CXCL17: variants seen among roughly 807,000 people sequenced by gnomAD.
CXCL17 encodes C-X-C motif chemokine 17.
A neutral mutation model predicts 15.5 loss-of-function variants in CXCL17; 9 were observed. The ratio of observed to expected loss-of-function variants is 0.58; its 90% CI spans 0.35 to 1.01. The LOEUF is 1.01. Ranked by LOEUF, CXCL17 falls within the 50% of genes least tolerant of loss-of-function variation. The probability of loss-of-function intolerance (pLI) is 0.02; values close to 1 mark genes in which losing one functional copy is unlikely to be tolerated. For synonymous variants in CXCL17, 52 were observed against 52.3 expected, an observed-to-expected ratio of 0.99 and a Z score of 0.02; for missense variants, 133 against 138.2, an observed-to-expected ratio of 0.96 and a Z score of 0.19.
At chr19:42,440,517 G>A (rs1167967797) in intron 1 of CXCL17, among the ~76,000 whole-genome samples, 1 of 152,168 alleles carries the variant, frequency 6.6e-6, no homozygotes, top group Non-Finnish European at 1.5e-5. Context: ...GGCGCCCCCT[G>A]GTGGCGCAGG....
chr19:42,436,099 A>C (rs1180749920), intron 1 of CXCL17, among the ~76,000 whole-genome samples: 1 of 149,070 alleles, frequency 6.7e-6, no homozygotes, highest in Non-Finnish European at 1.5e-5. Flanking sequence ...ACTCTGAACC[A>C]TTGGTTCAGT....
At chr19:42,433,974 AG>A in intron 1 of CXCL17, 118 bp from the exon 2 acceptor site, 1 of 690,360 alleles carries the variant, frequency 1.4e-6, no homozygotes, top group Non-Finnish European at 2.5e-6. Context: ...TCAAGAATCT[AG>A]GTTACTTCAA....
At chr19:42,435,387 G>T (rs2040823785) in intron 1 of CXCL17, among the ~76,000 whole-genome samples, 1 of 152,016 alleles carries the variant, frequency 6.6e-6, no homozygotes, top group Non-Finnish European at 1.5e-5. Flanking sequence ...ATCTTTTATG[G>T]ACTGAATTGT....
intron 1 of CXCL17, among the ~76,000 whole-genome samples, chr19:42,439,293 A>C (rs1263062185): frequency 6.6e-6 from 1 of 151,290 alleles, no homozygotes. Context: ...AAAAGGAATA[A>C]CTCTTTCTTA....
chr19:42,438,368 AAAAAAAAAAAAAAATATAT>A (rs2040853710), intron 1 of CXCL17, among the ~76,000 whole-genome samples: 3 of 106,968 alleles, frequency 2.8e-5, no homozygotes, highest in South Asian at 6.3e-4. Context: ...AAAAAAAAAA[AAAAAAAAAAAAAAATATAT>A]ATATATATAT....
At chr19:42,438,354 C>CAA (rs34157586) in intron 1 of CXCL17, among the ~76,000 whole-genome samples, 211 of 17,454 alleles carry the variant, frequency 0.012, 10 homozygotes, top group Non-Finnish European at 0.014. Context: ...GACTCTGTCT[C>CAA]AAAAAAAAAA....
rs750813309 is a variant in CXCL17, at chr19:42,428,944, G to A, written c.300C>T (p.Ser100=). The change falls in exon 4 of 4, where the codon TCC becomes TCT. Residue 100 remains serine, a synonymous_variant. Coordinates refer to ENST00000601181, the MANE Select transcript of CXCL17 (RefSeq NM_198477.3). ...GTTTGAGAAATTGCTGGCAGGCTCTGGAATGCTTGTTTGGCTTTCTGTGGT... is the reference window on the plus strand; with the variant it reads ...GTTTGAGAAATTGCTGGCAGGCTCTAGAATGCTTGTTTGGCTTTCTGTGGT... ...QRHHRKPNKH[S]RACQQFLKQC... is the part of the protein sequence containing the mutation. 8.1e-6 allele frequency: 13 copies of A among 1,614,030 alleles called. No individual in the cohort carries two copies. In the Admixed American group the frequency reaches 1.8e-4, roughly 23 times the overall value.
intron 1 of CXCL17, among the ~76,000 whole-genome samples, chr19:42,440,130 TAGTA>T (rs1268057342): frequency 2.0e-5 from 3 of 152,096 alleles, no homozygotes; most frequent in South Asian, 4.1e-4. Flanking sequence ...ACAAATGAGA[TAGTA>T]AGTGTGAAGT....
At chr19:42,441,358 T>A (rs2040890666) in intron 1 of CXCL17, among the ~76,000 whole-genome samples, 1 of 152,066 alleles carries the variant, frequency 6.6e-6, no homozygotes, top group African/African-American at 2.4e-5. Flanking sequence ...GAGCTGGGTG[T>A]GTGAGCAAAG....
rs1345208966 is a variant in CXCL17, at chr19:42,438,403, T to TA, written c.79+4350dup. On this transcript the variant is annotated intron_variant, in intron 1 of 3. Transcript: ENST00000601181. ...AAAAATATATATATATATATATATA[T>TA]ATAAAATACACACACACACACACAC... is the stretch of plus-strand genomic sequence containing the variant. 1.7e-3 allele frequency among the ~76,000 whole-genome samples: 167 copies of TA among 95,626 alleles called. 3 individuals carry two copies. Among genetic ancestry groups the TA allele is most frequent in the African/African-American group, 8.1e-3 (163 of 20,104 alleles). 62.7% of individuals were successfully genotyped at this position (95,626 alleles called of 152,430 possible). A position where few individuals can be genotyped will look rare whatever the true frequency, so the allele number is the denominator to read the frequency against.
intron 3 of CXCL17, among the ~76,000 whole-genome samples, chr19:42,431,707 A>G (rs889627974): frequency 6.7e-6 from 1 of 149,986 alleles, no homozygotes; most frequent in African/African-American, 2.4e-5. Flanking sequence ...TATTATTGTT[A>G]TTATTATATT....
intron 1 of CXCL17, among the ~76,000 whole-genome samples, chr19:42,436,996 GT>G (rs1347113590): frequency 1.3e-5 from 2 of 152,104 alleles, no homozygotes; most frequent in Admixed American, 6.6e-5. Flanking sequence ...GGAGTGCAGT[GT>G]TGTGATCTCG....
chr19:42,428,826 G>A lies in CXCL17; in HGVS notation c.*58C>T, dbSNP rs36220990. ...GGGAGAAGAAGAGTGTCTGGTAGGT[G>A]TGCTCACTGTCTTCTTGGCTGAGAA... On this transcript the variant is annotated 3_prime_UTR_variant, in exon 4 of 4. Coordinates refer to ENST00000601181, the MANE Select transcript of CXCL17 (RefSeq NM_198477.3). The A allele has an allele frequency of 5.2e-5, 66 of 1,262,972 alleles. 1 individual carries two copies. The African/African-American group carries it at 8.5e-4, about 16-fold the overall frequency. 78.2% of individuals were successfully genotyped at this position (1,262,972 alleles called of 1,614,324 possible).
intron 1 of CXCL17, among the ~76,000 whole-genome samples, chr19:42,440,899 A>G (rs1399392984): frequency 6.7e-6 from 1 of 149,224 alleles, no homozygotes; most frequent in Admixed American, 7.0e-5. Context: ...TTTGGCTGCC[A>G]TAACAGGGGT....
chr19:42,434,283 G>T (rs941024395), intron 1 of CXCL17, among the ~76,000 whole-genome samples: 2 of 152,194 alleles, frequency 1.3e-5, no homozygotes, highest in Non-Finnish European at 2.9e-5. Flanking sequence ...TGGAAGAGAT[G>T]ATAAAAGGCA....
chr19:42,438,383 T>TAA (rs2040856329), intron 1 of CXCL17, among the ~76,000 whole-genome samples: 1 of 46,796 alleles, frequency 2.1e-5, no homozygotes, highest in Non-Finnish European at 3.4e-5. Flanking sequence ...AAAAAAAAAA[T>TAA]ATATATATAT....
In CXCL17 at chr19:42,428,899, A is replaced by G. The variant is rs2040744945; in HGVS notation, c.345T>C (p.Phe115=). 6.2e-7 allele frequency: 1 copy of G among 1,613,988 alleles called. No homozygotes were observed. ...CTCAGAGCTCCTACAAAGGCAGAGC[A>G]AAGCTTCTTAGCTGACATTGTTTGA... ...QFLKQCQLRS[F]ALPL Residue 115 remains phenylalanine, a synonymous_variant, in exon 4 of 4, where the codon TTT becomes TTC. Coordinates refer to ENST00000601181, the MANE Select transcript of CXCL17 (RefSeq NM_198477.3).
intron 3 of CXCL17, among the ~76,000 whole-genome samples, chr19:42,431,565 A>C (rs903112763): frequency 1.3e-5 from 2 of 151,738 alleles, no homozygotes. Context: ...TCTGTAATCC[A>C]CCTGAAACTT....
rs772915287 is a variant in CXCL17, at chr19:42,429,315, C to T, written c.263-334G>A. On this transcript the variant is annotated intron_variant, in intron 3 of 3. Transcript: ENST00000601181. ...GTGCTAGGATTACAGGCATGAGCCA[C>T]CATGCCTGGCCTTCACATTTAATTT... Among the ~76,000 whole-genome samples, 43 of 150,704 alleles carry T rather than the reference C, an allele frequency of 2.9e-4. 1 individual carries two copies. Among genetic ancestry groups the T allele is most frequent in the Non-Finnish European group, 4.4e-4 (30 of 67,734 alleles).
Sources: gnomAD v4.1 joint callset for allele counts (sites outside exome capture counted in the v4.1 genomes callset) on GRCh38, gnomAD v4.1.1 for gene constraint, MANE v1.5 for transcripts, NCBI Gene and HGNC (gene_info 2026-07-23, HGNC 2026-07-21) for gene names.